Variants in PLCZ1 observed in about 807,000 individuals in gnomAD.
PLCZ1 encodes 1-phosphatidylinositol 4,5-bisphosphate phosphodiesterase zeta-1.
A neutral mutation model predicts 76.8 loss-of-function variants in PLCZ1; 64 were observed. The observed-to-expected ratio is 0.83, with a 90% CI of 0.68 to 1.03. The LOEUF is 1.03. Ranked by LOEUF, PLCZ1 falls within the 50% of genes least tolerant of loss-of-function variation. PLCZ1 has a pLI of 0.00. For synonymous variants in PLCZ1, 248 were observed against 230.8 expected (o/e 1.07, Z -0.68); for missense variants, 751 against 713.7 (o/e 1.05, Z -0.60).
At chr12:18,693,119 G>T in intron 12 of PLCZ1, 1 of 1,520,038 alleles carries the variant, frequency 6.6e-7, no homozygotes, top group Non-Finnish European at 9.1e-7. Context: ...TCTTGGAAGA[G>T]ATCATTGATG....
the PLCZ1 span, among the ~76,000 whole-genome samples, chr12:18,663,665 A>G: frequency 5.3e-5 from 8 of 152,052 alleles, no homozygotes; most frequent in African/African-American, 1.9e-4. Flanking sequence ...CATAGGACAA[A>G]AGCTTTATGA....
intron 3 of PLCZ1, among the ~76,000 whole-genome samples, chr12:18,734,048 A>C (rs1343887461): frequency 1.3e-5 from 2 of 152,166 alleles, no homozygotes; most frequent in African/African-American, 4.8e-5. Context: ...ATTACATTGA[A>C]TCTATAGATC....
chr12:18,723,210 A>G (rs1201225586), intron 4 of PLCZ1, 101 bp downstream of exon 4: 3 of 1,047,298 alleles, frequency 2.9e-6, no homozygotes, highest in Non-Finnish European at 2.8e-6. Flanking sequence ...TAATTTGATA[A>G]CCACAATTCA....
the PLCZ1 span, among the ~76,000 whole-genome samples, chr12:18,669,280 C>A: frequency 6.6e-6 from 1 of 152,150 alleles, no homozygotes; most frequent in Non-Finnish European, 1.5e-5. Flanking sequence ...TCCTCTTAAC[C>A]ACTGCACTAT....
intron 3 of PLCZ1, among the ~76,000 whole-genome samples, chr12:18,734,391 C>T (rs191248808): frequency 4.3e-4 from 65 of 152,190 alleles, no homozygotes; most frequent in African/African-American, 1.4e-3. Flanking sequence ...CGCTCTGTTG[C>T]CCAGGCTGAA....
rs68061417 is a variant in PLCZ1 at position 18,693,318 on chromosome 12, C to G, written c.1461+1592G>C. 28 of 1,545,912 alleles carry G rather than the reference C, an allele frequency of 1.8e-5. No individual in the cohort carries two copies. In the South Asian group the frequency reaches 3.0e-4, roughly 17 times the overall value. The stretch of plus-strand genomic sequence containing the variant: ...AGTGATGAAGGTGGAAAAGGCCCCC[C>G]AAGAGACCTATGCAGATACTGGGGG... On this transcript the variant is annotated intron_variant, in intron 12 of 14. Transcript: ENST00000266505.
At chr12:18,701,289 GA>G (rs891107910) in intron 9 of PLCZ1, among the ~76,000 whole-genome samples, 2 of 151,624 alleles carry the variant, frequency 1.3e-5, no homozygotes, top group African/African-American at 4.8e-5. Flanking sequence ...TCAGCCTAGA[GA>G]AAAAAATGTT....
chr12:18,650,319 C>CTATATATA, the PLCZ1 span, among the ~76,000 whole-genome samples: 2 of 96,786 alleles, frequency 2.1e-5, no homozygotes, highest in African/African-American at 5.6e-5. Context: ...CTCTCTCTCT[C>CTATATATA]TCTCTCTCTC....
chr12:18,658,954 T>C, the PLCZ1 span, among the ~76,000 whole-genome samples: 1 of 152,144 alleles, frequency 6.6e-6, no homozygotes, highest in Non-Finnish European at 1.5e-5. Flanking sequence ...TCTCTTTCTA[T>C]TGGTGAAGAT....
At chr12:18,659,578 T>C in the PLCZ1 span, among the ~76,000 whole-genome samples, 2 of 152,002 alleles carry the variant, frequency 1.3e-5, no homozygotes, top group Admixed American at 1.3e-4. Context: ...TATTTTATAG[T>C]GAAAGGATAT....
chr12:18,650,696 GTGTGTGTGTATATATC>G, the PLCZ1 span, among the ~76,000 whole-genome samples: 2,953 of 42,838 alleles, frequency 0.069, 176 homozygotes, highest in Admixed American at 0.09. Context: ...GTGTGTGTGT[GTGTGTGTGTATATATC>G]TATATATATA....
chr12:18,706,246 A>C (rs1037567283), intron 6 of PLCZ1, among the ~76,000 whole-genome samples: 4 of 151,810 alleles, frequency 2.6e-5, no homozygotes, highest in Non-Finnish European at 4.4e-5. Flanking sequence ...ATAAAAATAA[A>C]AAAAAAAAAA....
At chr12:18,735,396 G>A (rs1959195409) in intron 3 of PLCZ1, among the ~76,000 whole-genome samples, 1 of 151,842 alleles carries the variant, frequency 6.6e-6, no homozygotes, top group African/African-American at 2.4e-5. Flanking sequence ...TTCTTCGTTG[G>A]GCAGTTTTTG....
At chr12:18,662,072 T>C in the PLCZ1 span, among the ~76,000 whole-genome samples, 1 of 152,132 alleles carries the variant, frequency 6.6e-6, no homozygotes, top group East Asian at 1.9e-4. Context: ...AGGAACTAAA[T>C]CTTGAGTACA....
intron 3 of PLCZ1, among the ~76,000 whole-genome samples, chr12:18,734,414 A>C (rs7134412): frequency 0.58 from 88,037 of 151,936 alleles, 28,098 homozygotes; most frequent in Non-Finnish European, 0.71. Context: ...GCAGTGGCGC[A>C]ATCTCAGCTC....
At chr12:18,677,938 TTGTG>T in the PLCZ1 span, among the ~76,000 whole-genome samples, 1 of 151,976 alleles carries the variant, frequency 6.6e-6, no homozygotes, top group African/African-American at 2.4e-5. Flanking sequence ...TGTGGTGTGT[TTGTG>T]TGTGTGGATG....
intron 13 of PLCZ1, 140 bp from the exon 14 acceptor site, chr12:18,684,419 T>C (rs1001038510): frequency 6.8e-6 from 5 of 730,246 alleles, no homozygotes; most frequent in African/African-American, 5.4e-5. Context: ...GTTTTTAATA[T>C]ACTCAGTGTG....
chr12:18,684,816 G>A (rs1952846058), intron 13 of PLCZ1, among the ~76,000 whole-genome samples: 2 of 151,960 alleles, frequency 1.3e-5, no homozygotes, highest in South Asian at 4.1e-4. Context: ...AGGTGTTTAG[G>A]AAGACACCTG....
the PLCZ1 span, among the ~76,000 whole-genome samples, chr12:18,662,839 T>A: frequency 2.0e-5 from 3 of 151,676 alleles, no homozygotes; most frequent in Non-Finnish European, 2.9e-5. Flanking sequence ...AAACAGAAAA[T>A]GCACATAGAA....
Sources: allele counts gnomAD v4.1 joint callset (sites outside exome capture counted in the v4.1 genomes callset), GRCh38; gene constraint gnomAD v4.1.1; transcripts MANE v1.5; gene names NCBI Gene and HGNC (gene_info 2026-07-23, HGNC 2026-07-21).